Variants in DHRSX observed in about 807,000 individuals in gnomAD.
DHRSX encodes the protein dehydrogenase/reductase X-linked.
A neutral mutation model predicts 34.0 loss-of-function variants in DHRSX; 31 were observed. That is an observed-to-expected ratio of 0.91 (90% CI 0.69 to 1.23). The LOEUF (loss-of-function observed/expected upper bound fraction) is 1.23. Among genes scored for constraint, DHRSX ranks in the 50% most tolerant of loss-of-function variants. The pLI is 0.00. For synonymous variants in DHRSX, 201 were observed against 183.8 expected (o/e 1.09, Z -0.76); for missense variants, 414 against 428.1 (o/e 0.97, Z 0.29).
At chrX:2,311,170 CAG>C (rs1227969432) in intron 3 of DHRSX, among the ~76,000 whole-genome samples, 2 of 150,340 alleles carry the variant, frequency 1.3e-5, no homozygotes, top group Admixed American at 1.3e-4. Context: ...GAGAAAGTGA[CAG>C]AGAGGGACAG....
At chrX:2,317,599 A>G (rs1174504769) in intron 3 of DHRSX, among the ~76,000 whole-genome samples, 1 of 151,858 alleles carries the variant, frequency 6.6e-6, no homozygotes, top group Non-Finnish European at 1.5e-5. Context: ...ATAGAAAGGG[A>G]AAAAAGCAGG....
chrX:2,357,126 G>C (rs1215844931), intron 3 of DHRSX, among the ~76,000 whole-genome samples: 3 of 151,878 alleles, frequency 2.0e-5, no homozygotes, highest in Admixed American at 6.6e-5. Context: ...CGCCTGTAAT[G>C]CCAGCTACTC....
chrX:2,314,475 A>AGGAAGGAAGGGGAGAAGGG, intron 3 of DHRSX, among the ~76,000 whole-genome samples: 1 of 65,888 alleles, frequency 1.5e-5, no homozygotes, highest in South Asian at 4.2e-4. Flanking sequence ...GGGGAGAAGG[A>AGGAAGGAAGGGGAGAAGGG]AGGAAGGAAG....
At chrX:2,235,325 G>T (rs1308250660) in intron 6 of DHRSX, among the ~76,000 whole-genome samples, 1 of 152,148 alleles carries the variant, frequency 6.6e-6, no homozygotes, top group Non-Finnish European at 1.5e-5. Context: ...ATCACCTACA[G>T]GTATAGTATT....
chrX:2,227,211 C>T (rs2015687155), intron 6 of DHRSX, among the ~76,000 whole-genome samples: 1 of 151,940 alleles, frequency 6.6e-6, no homozygotes, highest in African/African-American at 2.4e-5. Flanking sequence ...CTGGGAACAA[C>T]TCAGTGTCAT....
At chrX:2,330,993 G>A (rs1000325834) in intron 3 of DHRSX, among the ~76,000 whole-genome samples, 9 of 152,232 alleles carry the variant, frequency 5.9e-5, no homozygotes, top group East Asian at 3.9e-4. Context: ...TGAGCGACCC[G>A]CAAACTTAGC....
chrX:2,327,806 T>C (rs1485784767), intron 3 of DHRSX, among the ~76,000 whole-genome samples: 18 of 151,342 alleles, frequency 1.2e-4, no homozygotes, highest in Admixed American at 1.3e-4. Flanking sequence ...TGAGGCCGGG[T>C]GTGGTGGCTC....
chrX:2,483,526 C>T (rs1209661862), intron 1 of DHRSX, among the ~76,000 whole-genome samples: 1 of 152,144 alleles, frequency 6.6e-6, no homozygotes, highest in Non-Finnish European at 1.5e-5. Flanking sequence ...GCCTCGGCCT[C>T]CCAAAGTGCT....
At chrX:2,369,167 G>A (rs924200272) in intron 3 of DHRSX, among the ~76,000 whole-genome samples, 40 of 152,130 alleles carry the variant, frequency 2.6e-4, no homozygotes, top group African/African-American at 8.2e-4. Context: ...TGCTTCTGCG[G>A]TTGAAACTTC....
At chrX:2,493,471 CATTATT>C (rs762176172) in intron 1 of DHRSX, among the ~76,000 whole-genome samples, 2 of 150,624 alleles carry the variant, frequency 1.3e-5, no homozygotes, top group South Asian at 4.2e-4. Flanking sequence ...TTATTATTAT[CATTATT>C]ATTATTATTA....
intron 3 of DHRSX, among the ~76,000 whole-genome samples, chrX:2,321,075 A>G (rs756916544): frequency 6.6e-6 from 1 of 152,262 alleles, no homozygotes; most frequent in East Asian, 1.9e-4. Context: ...CAGCCTCAGT[A>G]TCTGACAAGC....
At chrX:2,435,928 C>T (rs2043985484) in intron 1 of DHRSX, among the ~76,000 whole-genome samples, 1 of 152,226 alleles carries the variant, frequency 6.6e-6, no homozygotes, top group African/African-American at 2.4e-5. Context: ...GGCGCAGTGG[C>T]TCACGCCTGT....
chrX:2,270,840 A>T (rs781200556), intron 4 of DHRSX, among the ~76,000 whole-genome samples: 1 of 151,182 alleles, frequency 6.6e-6, no homozygotes, highest in African/African-American at 2.4e-5. Flanking sequence ...ACCATTCAGC[A>T]GTCTGTAAAA....
At chrX:2,433,759 T>C (rs1446064160) in intron 1 of DHRSX, among the ~76,000 whole-genome samples, 1 of 152,116 alleles carries the variant, frequency 6.6e-6, no homozygotes, top group African/African-American at 2.4e-5. Context: ...CTGCGTAGTA[T>C]TCCATGGTGT....
intron 3 of DHRSX, 106 bp from the exon 4 acceptor site, chrX:2,291,709 CTT>C (rs113156917): frequency 1.6e-4 from 68 of 431,940 alleles, no homozygotes; most frequent in Admixed American, 3.9e-4. Flanking sequence ...GGAAGTAACA[CTT>C]TTTTTTTTTC....
intron 3 of DHRSX, among the ~76,000 whole-genome samples, chrX:2,399,106 G>A (rs1311299582): frequency 7.0e-6 from 1 of 143,362 alleles, no homozygotes; most frequent in Non-Finnish European, 1.5e-5. Flanking sequence ...TGCCCGCCTC[G>A]GCCATAGAGA....
At chrX:2,486,883 T>G (rs1255521842) in intron 1 of DHRSX, 1 of 152,242 alleles carries the variant, frequency 6.6e-6, no homozygotes, top group Non-Finnish European at 1.5e-5. Flanking sequence ...CTTGCAGCCC[T>G]GAGAAGTCAG....
chrX:2,478,592 T>C (rs1162568984), intron 1 of DHRSX, among the ~76,000 whole-genome samples: 2 of 150,752 alleles, frequency 1.3e-5, no homozygotes, highest in African/African-American at 4.9e-5. Context: ...GAAACAGCAC[T>C]GAAGACATTC....
At chrX:2,306,098 T>C (rs1354137050) in intron 3 of DHRSX, among the ~76,000 whole-genome samples, 2 of 152,172 alleles carry the variant, frequency 1.3e-5, no homozygotes, top group African/African-American at 4.8e-5. Flanking sequence ...CCTGCATATG[T>C]ACCCGGAACT....
Sources: allele counts gnomAD v4.1 joint callset (sites outside exome capture counted in the v4.1 genomes callset), GRCh38; gene constraint gnomAD v4.1.1; transcripts MANE v1.5; gene names NCBI Gene and HGNC (gene_info 2026-07-23, HGNC 2026-07-21).